Variants in RTTN observed in about 807,000 individuals in gnomAD.
RTTN encodes rotatin.
A neutral mutation model predicts 269.2 loss-of-function variants in RTTN; 182 were observed. The ratio of observed to expected loss-of-function variants is 0.68; its 90% CI spans 0.60 to 0.76. The LOEUF (loss-of-function observed/expected upper bound fraction) is 0.76, where lower values mean the gene tolerates loss of function less well. Among genes scored for constraint, RTTN ranks in the 30% least tolerant of loss-of-function variants. RTTN has a pLI of 0.00. For synonymous variants in RTTN, 1,006 were observed against 963.5 expected, an observed-to-expected ratio of 1.04 and a Z score of -0.82; for missense variants, 2,545 against 2,608.6, an observed-to-expected ratio of 0.98 and a Z score of 0.53.
intron 4 of RTTN, among the ~76,000 whole-genome samples, chr18:70,201,607 CAAAAAAAAAAAAAA>C (rs34966295): frequency 2.9e-4 from 12 of 41,008 alleles, no homozygotes; most frequent in African/African-American, 1.3e-3. Flanking sequence ...GACTCCATCT[CAAAAAAAAAAAAAA>C]AAAAAAAAAA....
At chr18:70,050,055 C>T (rs995154570) in intron 39 of RTTN, among the ~76,000 whole-genome samples, 2 of 151,850 alleles carry the variant, frequency 1.3e-5, no homozygotes, top group Non-Finnish European at 2.9e-5. Context: ...TTTATAAAAC[C>T]ACAGGCTTAC....
Position 70,065,898 on chromosome 18 carries a change from C to T in RTTN, c.4678G>A (p.Glu1560Lys). 1 of 1,601,874 alleles carries T rather than the reference C, an allele frequency of 6.2e-7. No homozygotes were observed. Among genetic ancestry groups the T allele is most frequent in the Non-Finnish European group, 8.5e-7 (1 of 1,173,206 alleles). ...TTVAPSLGST[E>K]FQPLVQSTTL... ...GTTGACTGCACAAGTGGCTGAAATT[C>T]AGTACTCCCCAATGAAGGTGCCACC... The change falls in exon 35 of 49, where the codon GAA becomes AAA. Residue 1560 changes from glutamate to lysine, a missense_variant. Transcript: ENST00000640769.
intron 10 of RTTN, among the ~76,000 whole-genome samples, chr18:70,186,526 G>A (rs2061551742): frequency 6.6e-6 from 1 of 152,112 alleles, no homozygotes; most frequent in South Asian, 2.1e-4. Flanking sequence ...GACCAAGGCA[G>A]GCAGATCACT....
At chr18:70,055,770 A>AAT (rs1266683717) in intron 37 of RTTN, among the ~76,000 whole-genome samples, 1 of 152,226 alleles carries the variant, frequency 6.6e-6, no homozygotes, top group Non-Finnish European at 1.5e-5. Flanking sequence ...TTCAAGATTA[A>AAT]ATAAAATATT....
intron 19 of RTTN, among the ~76,000 whole-genome samples, chr18:70,140,788 A>G (rs933730163): frequency 6.6e-5 from 10 of 152,184 alleles, no homozygotes; most frequent in African/African-American, 2.4e-4. Context: ...AAAAAATCTT[A>G]TATGTATAGA....
chr18:70,064,747 T>C (rs2058087134), intron 35 of RTTN, among the ~76,000 whole-genome samples: 1 of 152,196 alleles, frequency 6.6e-6, no homozygotes. Context: ...GGAAATATCC[T>C]AAAATTGATC....
At chr18:70,090,417 T>C (rs1599480455) in intron 30 of RTTN, among the ~76,000 whole-genome samples, 1 of 53,106 alleles carries the variant, frequency 1.9e-5, no homozygotes, top group East Asian at 0.017. Flanking sequence ...AATACATAAA[T>C]GTGGTCTCTC....
In RTTN at chr18:70,127,512, C is replaced by A. The variant is rs183531175; in HGVS notation, c.3373G>T (p.Ala1125Ser). ...TGACCTTACACTGACCTGTTTAGTG[C>A]GGTGTGCCAAGCCAAGGACTTCAAG... ...VTLKSLAWHTALNRFLQVLPA... is the reference protein window; with the variant it reads ...VTLKSLAWHTSLNRFLQVLPA... Residue 1125 changes from alanine (A) to serine (S), a missense_variant, in exon 25 of 49, where the codon GCA becomes TCA. Ala to Ser is a moderately conservative substitution (Grantham distance 99). Coordinates refer to ENST00000640769, the MANE Select transcript of RTTN (RefSeq NM_173630.4). 2 of 1,613,156 alleles carry A rather than the reference C, an allele frequency of 1.2e-6. No individual in the cohort carries two copies. Among genetic ancestry groups the A allele is most frequent in the Middle Eastern group, 1.7e-4 (1 of 6,052 alleles).
At chr18:70,094,956 T>C (rs1335461936) in intron 28 of RTTN, among the ~76,000 whole-genome samples, 2 of 152,124 alleles carry the variant, frequency 1.3e-5, no homozygotes, top group African/African-American at 4.8e-5. Context: ...TGTAGGTCTC[T>C]AAGAACTTGC....
intron 8 of RTTN, 51 bp from the exon 9 acceptor site, chr18:70,190,770 A>G (rs773836362): frequency 1.4e-5 from 18 of 1,319,290 alleles, no homozygotes; most frequent in African/African-American, 2.9e-5. Context: ...ATCCCCAAAC[A>G]GATTTACTGC....
At chr18:70,171,878 TG>T (rs2061152511) in intron 11 of RTTN, among the ~76,000 whole-genome samples, 1 of 152,268 alleles carries the variant, frequency 6.6e-6, no homozygotes, top group Non-Finnish European at 1.5e-5. Flanking sequence ...CTAAGTGATC[TG>T]TTTGAACATT....
chr18:70,151,523 C>T (rs1255083533), intron 14 of RTTN, among the ~76,000 whole-genome samples: 2 of 151,996 alleles, frequency 1.3e-5, no homozygotes, highest in Non-Finnish European at 2.9e-5. Context: ...TTTCTACTTC[C>T]TATTATCAAC....
intron 36 of RTTN, among the ~76,000 whole-genome samples, chr18:70,058,207 A>G (rs893895355): frequency 6.6e-6 from 1 of 152,236 alleles, no homozygotes; most frequent in Non-Finnish European, 1.5e-5. Flanking sequence ...TCATATTTAG[A>G]AAGTAAAAAA....
At chr18:70,010,710 T>G (rs922972610) in intron 46 of RTTN, among the ~76,000 whole-genome samples, 1 of 151,924 alleles carries the variant, frequency 6.6e-6, no homozygotes, top group African/African-American at 2.4e-5. Flanking sequence ...ATTCAAAAGC[T>G]TACAGAAGAC....
rs554677788 is a variant in RTTN at position 70,017,602 on chromosome 18, T to A, written c.6226A>T (p.Ile2076Phe). 7.4e-5 allele frequency: 120 copies of A among 1,613,876 alleles called. No homozygotes were observed. Among genetic ancestry groups the A allele is most frequent in the African/African-American group, 2.0e-4 (15 of 75,050 alleles). The change falls in exon 46 of 49, where the codon ATT (isoleucine) becomes TTT (phenylalanine). Residue 2076 changes from isoleucine (I) to phenylalanine (F), a missense_variant. Physicochemically the swap from Ile to Phe is conservative, Grantham distance 21. Transcript: ENST00000640769. ...TTCAGGAGTAACTTCAACCAAAGAATAGTCAGATTACTTAGATGTTTATTT... is the reference window on the plus strand; with the variant it reads ...TTCAGGAGTAACTTCAACCAAAGAAAAGTCAGATTACTTAGATGTTTATTT... ...GGNKHLSNLT[I>F]LWLKLLLNIS...
At chr18:70,026,927 C>T (rs978041498) in intron 43 of RTTN, among the ~76,000 whole-genome samples, 2 of 152,166 alleles carry the variant, frequency 1.3e-5, no homozygotes, top group African/African-American at 4.8e-5. Context: ...TTGAGGCTAG[C>T]ACGTGCAAGC....
At chr18:70,190,851 G>A in intron 8 of RTTN, 132 bp from the exon 9 acceptor site, 1 of 569,178 alleles carries the variant, frequency 1.8e-6, no homozygotes, top group Non-Finnish European at 3.0e-6. Flanking sequence ...ACTCTGGTCA[G>A]ATTTGTAGAA....
intron 43 of RTTN, among the ~76,000 whole-genome samples, chr18:70,026,876 C>T (rs1241509323): frequency 6.6e-6 from 1 of 152,186 alleles, no homozygotes; most frequent in African/African-American, 2.4e-5. Context: ...ATAAAATCTA[C>T]AGGCCACAAG....
chr18:70,205,448 G>A, intron 1 of RTTN, 133 bp from the exon 2 acceptor site: 1 of 1,368,746 alleles, frequency 7.3e-7, no homozygotes, highest in South Asian at 1.3e-5. Flanking sequence ...GTGCCTTCGG[G>A]ACGCGAACCG....
Sources: allele counts gnomAD v4.1 joint callset (sites outside exome capture counted in the v4.1 genomes callset), GRCh38; gene constraint gnomAD v4.1.1; transcripts MANE v1.5; gene names NCBI Gene and HGNC (gene_info 2026-07-23, HGNC 2026-07-21).